The following AGMO variants were observed in gnomAD, a reference collection of about 807,000 sequenced individuals.
AGMO encodes the protein alkylglycerol monooxygenase.
A neutral mutation model predicts 60.2 loss-of-function variants in AGMO; 75 were observed. The ratio of observed to expected loss-of-function variants is 1.25; its 90% CI spans 1.03 to 1.51. AGMO has a LOEUF of 1.51. Among genes scored for constraint, AGMO ranks in the 40% most tolerant of loss-of-function variants. AGMO has a pLI of 0.00. For synonymous variants in AGMO, 261 were observed against 177.1 expected, an observed-to-expected ratio of 1.47 and a Z score of -3.76; for missense variants, 763 against 525.5, an observed-to-expected ratio of 1.45 and a Z score of -4.42.
At chr7:15,307,702 T>C (rs1219981060) in intron 12 of AGMO, among the ~76,000 whole-genome samples, 3 of 152,054 alleles carry the variant, frequency 2.0e-5, no homozygotes, top group African/African-American at 7.2e-5. Flanking sequence ...CCTAGTTTCC[T>C]AAGTTACAGA....
chr7:15,241,475 A>C (rs1350940727), intron 12 of AGMO, among the ~76,000 whole-genome samples: 2 of 115,150 alleles, frequency 1.7e-5, no homozygotes, highest in Non-Finnish European at 3.9e-5. Context: ...AAAAAAAAAA[A>C]AAAAAAAAAA....
rs972767380 is a variant in AGMO, at chr7:15,366,192, C to T, written c.1105G>A (p.Val369Ile). 3 of 1,608,682 alleles carry T rather than the reference C, an allele frequency of 1.9e-6. No homozygotes were observed. Among genetic ancestry groups the T allele is most frequent in the Admixed American group, 1.7e-5 (1 of 59,718 alleles). ...ALSQVTLLLR[V>I]CFIILTLTSI... ...GTCAAGGTCAGGATAATGAAGCAAA[C>T]CCTCAGAAGGAGAGTAACTTGCGAC... The change falls in exon 11 of 13, where the codon GTT (valine) becomes ATT (isoleucine). Residue 369 changes from valine to isoleucine, a missense_variant. Val to Ile is a conservative substitution (Grantham distance 29). Transcript: ENST00000342526.
chr7:15,465,336 T>C (rs1466631278), intron 3 of AGMO, among the ~76,000 whole-genome samples: 4 of 150,808 alleles, frequency 2.7e-5, no homozygotes, highest in South Asian at 2.1e-4. Flanking sequence ...AGTGTGTGTG[T>C]GCGTGTGTGT....
intron 12 of AGMO, among the ~76,000 whole-genome samples, chr7:15,291,821 T>C (rs1784271297): frequency 6.6e-6 from 1 of 151,992 alleles, no homozygotes; most frequent in African/African-American, 2.4e-5. Context: ...ATAAAGGACA[T>C]AACCTGAAAG....
chr7:15,368,250 T>A (rs1583465620), intron 10 of AGMO, among the ~76,000 whole-genome samples: 1 of 148,708 alleles, frequency 6.7e-6, no homozygotes, highest in Admixed American at 6.8e-5. Flanking sequence ...TATGTGAAGG[T>A]CGGCGATGTC....
intron 3 of AGMO, among the ~76,000 whole-genome samples, chr7:15,473,639 T>C (rs1269227368): frequency 3.3e-5 from 5 of 152,074 alleles, no homozygotes; most frequent in Non-Finnish European, 1.5e-5. Flanking sequence ...GCATTCTCTG[T>C]GAAAACCAGT....
chr7:15,531,216 CTATATATATTCTATATATATATTCTA>C (rs1210625276), intron 3 of AGMO, among the ~76,000 whole-genome samples: 1 of 66,260 alleles, frequency 1.5e-5, no homozygotes, highest in Non-Finnish European at 2.7e-5. Context: ...TCTATATATT[CTATATATATTCTATATATATATTCTA>C]TATATTCTAT....
chr7:15,462,594 G>A (rs781302441), intron 3 of AGMO, among the ~76,000 whole-genome samples: 5 of 152,142 alleles, frequency 3.3e-5, no homozygotes, highest in Admixed American at 1.3e-4. Flanking sequence ...AGACATGTAC[G>A]AGCTTTAGAT....
intron 3 of AGMO, among the ~76,000 whole-genome samples, chr7:15,518,714 G>A (rs1329153066): frequency 6.6e-6 from 1 of 151,958 alleles, no homozygotes; most frequent in Non-Finnish European, 1.5e-5. Context: ...TAAAGATGAG[G>A]AAAAAACAGT....
chr7:15,362,164 A>T (rs1782793957), intron 12 of AGMO, among the ~76,000 whole-genome samples: 1 of 151,946 alleles, frequency 6.6e-6, no homozygotes, highest in Non-Finnish European at 1.5e-5. Flanking sequence ...GTTTTATTAA[A>T]ACTCAGGTAA....
chr7:15,355,031 A>C (rs1158378119), intron 12 of AGMO, among the ~76,000 whole-genome samples: 2 of 152,120 alleles, frequency 1.3e-5, no homozygotes, highest in African/African-American at 4.8e-5. Flanking sequence ...ATTGAAGAGA[A>C]GATTCCTGCA....
chr7:15,484,452 A>C (rs983168357), intron 3 of AGMO, among the ~76,000 whole-genome samples: 2 of 152,182 alleles, frequency 1.3e-5, no homozygotes, highest in Non-Finnish European at 2.9e-5. Flanking sequence ...AGGTGTGCTG[A>C]GGAAGTTCAA....
At chr7:15,255,234 GA>G (rs1261817934) in intron 12 of AGMO, among the ~76,000 whole-genome samples, 1 of 152,052 alleles carries the variant, frequency 6.6e-6, no homozygotes, top group Non-Finnish European at 1.5e-5. Context: ...TTAGGGAAGG[GA>G]TAACATTAGG....
intron 12 of AGMO, among the ~76,000 whole-genome samples, chr7:15,281,880 G>A (rs1377136164): frequency 6.6e-6 from 1 of 152,110 alleles, no homozygotes; most frequent in African/African-American, 2.4e-5. Context: ...AGGAGACAGT[G>A]AATTTGCTCA....
intron 12 of AGMO, among the ~76,000 whole-genome samples, chr7:15,212,008 A>G (rs919234949): frequency 6.6e-6 from 1 of 151,776 alleles, no homozygotes; most frequent in African/African-American, 2.4e-5. Flanking sequence ...TGAAGGACAC[A>G]ATGGAGGAAG....
chr7:15,479,635 G>A (rs1387570813), intron 3 of AGMO, among the ~76,000 whole-genome samples: 2 of 152,040 alleles, frequency 1.3e-5, no homozygotes, highest in African/African-American at 2.4e-5. Flanking sequence ...ATTTGCGAAT[G>A]CAATTTAGTA....
intron 12 of AGMO, among the ~76,000 whole-genome samples, chr7:15,299,884 C>A (rs1044924473): frequency 3.1e-5 from 3 of 96,050 alleles, no homozygotes; most frequent in African/African-American, 8.5e-5. Flanking sequence ...CACACACACA[C>A]ACAGTATGTT....
chr7:15,473,939 C>T (rs542875422), intron 3 of AGMO, among the ~76,000 whole-genome samples: 3 of 152,132 alleles, frequency 2.0e-5, no homozygotes, highest in African/African-American at 7.2e-5. Flanking sequence ...CAAGAGTGAG[C>T]TTCCATTCAC....
At chr7:15,428,362 C>T (rs1411457577) in intron 4 of AGMO, among the ~76,000 whole-genome samples, 1 of 152,102 alleles carries the variant, frequency 6.6e-6, no homozygotes, top group East Asian at 1.9e-4. Context: ...AGTCCCCTTC[C>T]AAAAATATTT....
Sources: allele counts gnomAD v4.1 joint callset (sites outside exome capture counted in the v4.1 genomes callset), GRCh38; gene constraint gnomAD v4.1.1; transcripts MANE v1.5; gene names NCBI Gene and HGNC (gene_info 2026-07-23, HGNC 2026-07-21).